The following KANK1 variants were observed in gnomAD, a reference collection of about 807,000 sequenced individuals.
The protein encoded by KANK1 is KN motif and ankyrin repeat domains 1, also known as KN motif and ankyrin repeat domain-containing protein 1.
In KANK1, 109 loss-of-function variants were observed where a neutral mutation model predicts 106.2. That is an observed-to-expected ratio of 1.03 (90% CI 0.88 to 1.20). KANK1 has a LOEUF of 1.20. KANK1 is among the 50% of genes most tolerant of loss of function. The probability of loss-of-function intolerance (pLI) is 0.00; values close to 1 mark genes in which losing one functional copy is unlikely to be tolerated. For missense variants in KANK1, 2,399 were observed against 1,710.7 expected, an observed-to-expected ratio of 1.40 and a Z score of -7.10; for synonymous variants, 873 against 652.2, an observed-to-expected ratio of 1.34 and a Z score of -5.16.
intron 1 of KANK1, among the ~76,000 whole-genome samples, chr9:518,402 C>T (rs1028434196): frequency 6.9e-6 from 1 of 145,062 alleles, no homozygotes; most frequent in Non-Finnish European, 1.6e-5. Flanking sequence ...CCCCAGTGGC[C>T]CAGGGCAGTT....
chr9:738,264 G>T, intron 7 of KANK1, 21 bp from the exon 8 acceptor site: 1 of 1,596,994 alleles, frequency 6.3e-7, no homozygotes, highest in Non-Finnish European at 8.6e-7. Flanking sequence ...AAGAACTAAC[G>T]ACCACTTGGT....
intron 1 of KANK1, among the ~76,000 whole-genome samples, chr9:577,471 A>G (rs1290787777): frequency 2.6e-5 from 4 of 151,814 alleles, no homozygotes; most frequent in African/African-American, 9.7e-5. Flanking sequence ...ACCTTTAGCT[A>G]GACACAGAGT....
chr9:704,618 A>G (rs1823525487), intron 2 of KANK1, among the ~76,000 whole-genome samples: 1 of 152,136 alleles, frequency 6.6e-6, no homozygotes, highest in South Asian at 2.1e-4. Flanking sequence ...CTCCCAAGTG[A>G]ACTTTCTCAT....
At chr9:531,948 C>G (rs758622811) in intron 1 of KANK1, among the ~76,000 whole-genome samples, 1 of 152,182 alleles carries the variant, frequency 6.6e-6, no homozygotes, top group African/African-American at 2.4e-5. Flanking sequence ...GAGACATCCA[C>G]CTGGCCTCCA....
chr9:475,439 C>G (rs2058086292), intron 3 of KANK1, among the ~76,000 whole-genome samples: 1 of 151,422 alleles, frequency 6.6e-6, no homozygotes. Context: ...GGTGCCCACT[C>G]GGCCCTCTTC....
At chr9:705,874 T>C (rs1346832153) in intron 2 of KANK1, among the ~76,000 whole-genome samples, 1 of 152,108 alleles carries the variant, frequency 6.6e-6, no homozygotes, top group East Asian at 1.9e-4. Context: ...GTGCTGGGAT[T>C]ACAGGCATGA....
intron 1 of KANK1, among the ~76,000 whole-genome samples, chr9:595,231 TGGTGA>T (rs1323354649): frequency 7.3e-4 from 111 of 151,888 alleles, no homozygotes; most frequent in Non-Finnish European, 1.2e-3. Flanking sequence ...TGGGGCAACA[TGGTGA>T]GACCCTGTCT....
intron 1 of KANK1, among the ~76,000 whole-genome samples, chr9:531,667 G>T (rs771959953): frequency 3.3e-5 from 5 of 152,206 alleles, no homozygotes; most frequent in Non-Finnish European, 7.4e-5. Context: ...GAGTACAGCA[G>T]CATTGGTGCC....
intron 3 of KANK1, among the ~76,000 whole-genome samples, chr9:475,107 A>G (rs2058081366): frequency 1.3e-5 from 2 of 152,202 alleles, no homozygotes; most frequent in Admixed American, 6.5e-5. Flanking sequence ...GAAAGTGACA[A>G]TCAGCAGCTT....
intron 1 of KANK1, among the ~76,000 whole-genome samples, chr9:565,389 C>T (rs1337759530): frequency 6.6e-6 from 1 of 152,212 alleles, no homozygotes; most frequent in Non-Finnish European, 1.5e-5. Context: ...TTCTGCAGAG[C>T]ATAACTTGTG....
Position 731,181 on chromosome 9 carries a change from C to G in KANK1, c.2920C>G (p.Leu974Val). 5 of 1,609,606 alleles carry G rather than the reference C, an allele frequency of 3.1e-6. No homozygotes were observed. Among genetic ancestry groups the G allele is most frequent in the Non-Finnish European group, 3.4e-6 (4 of 1,176,282 alleles). Residue 974 changes from leucine to valine, a missense_variant, in exon 5 of 12, where the codon CTG becomes GTG. Leu to Val is a conservative substitution (Grantham distance 32). Transcript: ENST00000382297. ...AGCATGTACAAACAATGAAAGTACACTGAAGTCCATCATGAAGAAGAAAGA... is the reference window on the plus strand; with the variant it reads ...AGCATGTACAAACAATGAAAGTACAGTGAAGTCCATCATGAAGAAGAAAGA... ...LYACTNNEST[L>V]KSIMKKKDGN...
intron 1 of KANK1, among the ~76,000 whole-genome samples, chr9:542,850 C>CTT (rs397825747): frequency 4.0e-5 from 6 of 151,756 alleles, no homozygotes; most frequent in Admixed American, 3.3e-4. Flanking sequence ...GTCAAACTCT[C>CTT]ACAGAAGCTG....
At chr9:739,188 C>A (rs1834654131) in intron 8 of KANK1, among the ~76,000 whole-genome samples, 1 of 152,188 alleles carries the variant, frequency 6.6e-6, no homozygotes, top group African/African-American at 2.4e-5. Context: ...AAACTGTGAG[C>A]TTTCAACTTC....
chr9:623,489 C>T (rs925110478), intron 1 of KANK1, among the ~76,000 whole-genome samples: 2 of 151,340 alleles, frequency 1.3e-5, no homozygotes, highest in East Asian at 1.9e-4. Flanking sequence ...ACCCATTAGA[C>T]TGAGGTGAGG....
intron 1 of KANK1, among the ~76,000 whole-genome samples, chr9:580,534 C>T (rs1388589444): frequency 6.6e-6 from 1 of 152,184 alleles, no homozygotes; most frequent in Non-Finnish European, 1.5e-5. Flanking sequence ...AATCCCTGAG[C>T]TAGACGCAAA....
chr9:693,809 G>T (rs1258046766), intron 2 of KANK1: 2 of 985,206 alleles, frequency 2.0e-6, no homozygotes, highest in African/African-American at 3.5e-5. Context: ...GCCCACAAAA[G>T]AAAGAGAGGA....
chr9:727,502 G>C (rs1029523311), intron 3 of KANK1, among the ~76,000 whole-genome samples: 4 of 152,042 alleles, frequency 2.6e-5, no homozygotes, highest in African/African-American at 7.2e-5. Flanking sequence ...TTTTTGTAGA[G>C]ATGGAGTTTC....
chr9:606,095 A>G (rs970304523), intron 1 of KANK1, among the ~76,000 whole-genome samples: 3 of 150,862 alleles, frequency 2.0e-5, no homozygotes, highest in African/African-American at 7.4e-5. Flanking sequence ...GGGAAGAAAA[A>G]CCATAGAACT....
chr9:551,248 A>C (rs1324573836), intron 1 of KANK1, among the ~76,000 whole-genome samples: 2 of 151,506 alleles, frequency 1.3e-5, no homozygotes, highest in Admixed American at 1.3e-4. Flanking sequence ...AGACACACAC[A>C]TTTGCCTGTT....
Sources: gnomAD v4.1 joint callset for allele counts (sites outside exome capture counted in the v4.1 genomes callset) on GRCh38, gnomAD v4.1.1 for gene constraint, MANE v1.5 for transcripts, NCBI Gene and HGNC (gene_info 2026-07-23, HGNC 2026-07-21) for gene names.